ABLIM1: variants seen among roughly 807,000 people sequenced by gnomAD.
ABLIM1 encodes the protein actin binding LIM protein 1.
ABLIM1 carries 40 observed loss-of-function variants against 107.0 expected under a neutral mutation model. The observed-to-expected ratio is 0.37, with a 90% CI of 0.29 to 0.49. The LOEUF (loss-of-function observed/expected upper bound fraction) is 0.49, where lower values mean the gene tolerates loss of function less well. Among genes scored for constraint, ABLIM1 ranks in the 20% least tolerant of loss-of-function variants. ABLIM1 has a pLI of 0.97. For synonymous variants in ABLIM1, 357 were observed against 357.3 expected (o/e 1.00, Z 0.01); for missense variants, 857 against 1,008.5 (o/e 0.85, Z 2.04).
At chr10:114,627,390 C>T (rs1287733028) in intron 1 of ABLIM1, among the ~76,000 whole-genome samples, 1 of 152,130 alleles carries the variant, frequency 6.6e-6, no homozygotes, top group Non-Finnish European at 1.5e-5. Context: ...GTACCAATGC[C>T]TCTTTAAACA....
At chr10:114,635,753 C>G (rs1215643396) in intron 1 of ABLIM1, among the ~76,000 whole-genome samples, 1 of 152,234 alleles carries the variant, frequency 6.6e-6, no homozygotes, top group Non-Finnish European at 1.5e-5. Flanking sequence ...AACTCCTGAA[C>G]TCAGGTGATC....
At chr10:114,735,786 TG>T (rs2082167747) in intron 1 of ABLIM1, among the ~76,000 whole-genome samples, 1 of 152,186 alleles carries the variant, frequency 6.6e-6, no homozygotes, top group Non-Finnish European at 1.5e-5. Flanking sequence ...GGTCTTATCA[TG>T]AAAAATGTTT....
chr10:114,533,817 T>G (rs913854939), intron 6 of ABLIM1, among the ~76,000 whole-genome samples: 3 of 152,284 alleles, frequency 2.0e-5, no homozygotes, highest in African/African-American at 7.2e-5. Context: ...GCTGGGACTA[T>G]AGACCCTCAC....
At chr10:114,615,647 C>T (rs2077085263) in intron 1 of ABLIM1, 13 of 434,100 alleles carry the variant, frequency 3.0e-5, no homozygotes, top group South Asian at 2.1e-4. Context: ...GAATACCAGC[C>T]TGGCTTTCTG....
intron 1 of ABLIM1, among the ~76,000 whole-genome samples, chr10:114,667,686 T>G (rs1199214866): frequency 6.6e-6 from 1 of 152,244 alleles, no homozygotes; most frequent in Non-Finnish European, 1.5e-5. Flanking sequence ...AGTCAATCCC[T>G]GCCCTCACAC....
intron 11 of ABLIM1, among the ~76,000 whole-genome samples, chr10:114,466,342 TATAA>T (rs1299726602): frequency 6.6e-6 from 1 of 152,094 alleles, no homozygotes; most frequent in Admixed American, 6.5e-5. Flanking sequence ...GATGAAAACA[TATAA>T]ACCTTAATAG....
chr10:114,443,363 A>G (rs2060484770), intron 17 of ABLIM1, among the ~76,000 whole-genome samples: 1 of 149,838 alleles, frequency 6.7e-6, no homozygotes, highest in Non-Finnish European at 1.5e-5. Flanking sequence ...CCCAGGCTGG[A>G]GTGCAATGGT....
chr10:114,671,242 C>T (rs991954148), intron 1 of ABLIM1, among the ~76,000 whole-genome samples: 1 of 152,232 alleles, frequency 6.6e-6, no homozygotes, highest in South Asian at 2.1e-4. Flanking sequence ...CTATGTGACT[C>T]ATCCATGCAG....
At position 114,490,830 on chromosome 10, in the gene ABLIM1, G is replaced by GT. The variant is rs986470660; in HGVS notation, c.982+960dup. Among the ~76,000 whole-genome samples, 6 of 147,404 alleles carry GT rather than the reference G, an allele frequency of 4.1e-5. No homozygotes were observed. The East Asian group carries it at 1.0e-3, about 25-fold the overall frequency. ...TATGCTTATTTTTTTTGTCTTTTTTGTTTTTTTTCTTCCTTTTTGTGGAGA... is the reference window on the plus strand; with the variant it reads ...TATGCTTATTTTTTTTGTCTTTTTTGTTTTTTTTTCTTCCTTTTTGTGGAGA... On this transcript the variant is annotated intron_variant, in intron 7 of 22. Transcript: ENST00000533213.
At chr10:114,519,790 A>C (rs1278063444) in intron 6 of ABLIM1, among the ~76,000 whole-genome samples, 2 of 152,138 alleles carry the variant, frequency 1.3e-5, no homozygotes, top group Non-Finnish European at 1.5e-5. Flanking sequence ...TCCTACCCCC[A>C]GTGCTGAGGG....
At chr10:114,728,943 T>C (rs147521322) in intron 1 of ABLIM1, among the ~76,000 whole-genome samples, 45 of 152,318 alleles carry the variant, frequency 3.0e-4, no homozygotes, top group African/African-American at 1.1e-3. Flanking sequence ...CATGAAGTAA[T>C]GTTTTCCAAT....
chr10:114,657,253 C>T (rs17092237), intron 1 of ABLIM1, among the ~76,000 whole-genome samples: 17,872 of 152,200 alleles, frequency 0.12, 1,442 homozygotes, highest in East Asian at 0.45. Context: ...TTGCCTTCTG[C>T]TTCCTGTACC....
the ABLIM1 span, among the ~76,000 whole-genome samples, chr10:114,786,065 C>A: frequency 2.0e-5 from 3 of 152,084 alleles, no homozygotes; most frequent in African/African-American, 7.2e-5. Flanking sequence ...ATAATTATTT[C>A]TTTTTATTCT....
chr10:114,565,434 T>G (rs1257432299), intron 4 of ABLIM1, among the ~76,000 whole-genome samples: 1 of 152,222 alleles, frequency 6.6e-6, no homozygotes, highest in Non-Finnish European at 1.5e-5. Flanking sequence ...GTTATTGTTT[T>G]ATAAGTACAT....
chr10:114,452,131 T>G (rs1024113842), intron 13 of ABLIM1, among the ~76,000 whole-genome samples: 2 of 151,966 alleles, frequency 1.3e-5, no homozygotes, highest in Non-Finnish European at 2.9e-5. Flanking sequence ...TGTAGAAAAA[T>G]CAAAAGTTTT....
At chr10:114,793,687 G>T in the ABLIM1 span, among the ~76,000 whole-genome samples, 3 of 152,268 alleles carry the variant, frequency 2.0e-5, no homozygotes, top group South Asian at 6.2e-4. Context: ...CACAGGAGCA[G>T]GCCCATTACT....
chr10:114,568,496 A>G (rs774113113), intron 4 of ABLIM1, among the ~76,000 whole-genome samples: 1 of 152,234 alleles, frequency 6.6e-6, no homozygotes, highest in African/African-American at 2.4e-5. Flanking sequence ...AATAGCAAAC[A>G]AGTGTTTTCT....
chr10:114,691,414 T>C (rs1249563914), intron 1 of ABLIM1, among the ~76,000 whole-genome samples: 2 of 152,246 alleles, frequency 1.3e-5, no homozygotes, highest in African/African-American at 4.8e-5. Flanking sequence ...GCTAAGAAGT[T>C]GCAGTGATGG....
the ABLIM1 span, among the ~76,000 whole-genome samples, chr10:114,788,340 A>T: frequency 6.9e-4 from 91 of 131,292 alleles, 1 homozygote; most frequent in Middle Eastern, 3.8e-3. Flanking sequence ...AAAATAAAAA[A>T]AAAAAAAATA....
Sources: allele counts gnomAD v4.1 joint callset (sites outside exome capture counted in the v4.1 genomes callset), GRCh38; gene constraint gnomAD v4.1.1; transcripts MANE v1.5; gene names NCBI Gene and HGNC (gene_info 2026-07-23, HGNC 2026-07-21).